The following PIK3C3 variants were observed in gnomAD, a reference collection of about 807,000 sequenced individuals.
PIK3C3 encodes the protein PI3-kinase type 3.
Under a neutral mutation model 126.1 loss-of-function variants are expected in PIK3C3, and 95 were observed. The observed-to-expected ratio is 0.75, with a 90% CI of 0.64 to 0.89. The LOEUF is 0.89. Ranked by LOEUF, PIK3C3 falls within the 40% of genes least tolerant of loss-of-function variation. The probability of loss-of-function intolerance (pLI) is 0.00; values close to 1 mark genes in which losing one functional copy is unlikely to be tolerated. For missense variants in PIK3C3, 829 were observed against 1,063.2 expected (o/e 0.78, Z 3.06); for synonymous variants, 374 against 360.0 (o/e 1.04, Z -0.44).
At chr18:42,070,431 T>TA (rs1168338557) in intron 24 of PIK3C3, 1 of 152,236 alleles carries the variant, frequency 6.6e-6, no homozygotes, top group Non-Finnish European at 1.5e-5. Context: ...ATTCTATTGT[T>TA]AATTTGCATA....
chr18:41,962,789 A>C (rs772730270), intron 3 of PIK3C3, among the ~76,000 whole-genome samples, 157 bp downstream of exon 3: 2 of 152,218 alleles, frequency 1.3e-5, no homozygotes, highest in Non-Finnish European at 2.9e-5. Context: ...ATTTTAACAT[A>C]TATTTCCTAC....
chr18:41,965,993 A>T (rs1040154893), intron 3 of PIK3C3, among the ~76,000 whole-genome samples: 22 of 152,092 alleles, frequency 1.4e-4, no homozygotes, highest in Non-Finnish European at 2.4e-4. Flanking sequence ...TCTAACTGGA[A>T]AATAGGTCAT....
intron 9 of PIK3C3, among the ~76,000 whole-genome samples, chr18:42,003,008 G>C (rs1982362954): frequency 6.6e-6 from 1 of 152,192 alleles, no homozygotes. Flanking sequence ...GTATGGGGCT[G>C]AGAATTGGTG....
chr18:42,011,321 G>A (rs1030166733), intron 10 of PIK3C3, among the ~76,000 whole-genome samples: 1 of 152,206 alleles, frequency 6.6e-6, no homozygotes. Flanking sequence ...ACTTTGTGGT[G>A]TAGTATAGTC....
intron 13 of PIK3C3, chr18:42,025,265 C>G (rs1983514362): frequency 6.6e-6 from 1 of 152,194 alleles, no homozygotes; most frequent in Non-Finnish European, 1.5e-5. Context: ...AAGCTGAATA[C>G]CCTAAGATGA....
At chr18:41,995,443 G>A (rs1981979788) in intron 7 of PIK3C3, among the ~76,000 whole-genome samples, 1 of 152,154 alleles carries the variant, frequency 6.6e-6, no homozygotes, top group Non-Finnish European at 1.5e-5. Context: ...GTATATTCAA[G>A]CGTTGTGATT....
chr18:42,029,533 AAT>A (rs1491543757), intron 15 of PIK3C3, 92 bp downstream of exon 15: 4 of 373,856 alleles, frequency 1.1e-5, no homozygotes, highest in African/African-American at 2.6e-5. Flanking sequence ...TTGATACGTG[AAT>A]TTTTTTTTTT....
chr18:42,078,320 T>G (rs373105365), intron 24 of PIK3C3, among the ~76,000 whole-genome samples: 27 of 135,436 alleles, frequency 2.0e-4, no homozygotes, highest in African/African-American at 6.6e-4. Context: ...GAGCTTGCAG[T>G]GAGCCGAGAT....
At chr18:42,000,816 T>G (rs1982252994) in intron 9 of PIK3C3, among the ~76,000 whole-genome samples, 1 of 152,108 alleles carries the variant, frequency 6.6e-6, no homozygotes, top group South Asian at 2.1e-4. Flanking sequence ...CTCACTATCA[T>G]GAGAACAGCA....
intron 24 of PIK3C3, among the ~76,000 whole-genome samples, chr18:42,070,004 G>A (rs540457578): frequency 1.3e-5 from 2 of 152,266 alleles, no homozygotes; most frequent in East Asian, 3.9e-4. Flanking sequence ...TCCTTCAGCT[G>A]TATTCGACTG....
intron 16 of PIK3C3, among the ~76,000 whole-genome samples, chr18:42,035,440 G>A (rs1329001524): frequency 3.3e-5 from 5 of 152,038 alleles, no homozygotes; most frequent in Non-Finnish European, 5.9e-5. Context: ...CTATTGGTAG[G>A]TGGATTCTAG....
At position 42,032,314 on chromosome 18, in the gene PIK3C3, A is replaced by G. The variant is rs181458207; in HGVS notation, c.1708-1512A>G. Reference sequence around the variant, plus strand: ...GAAGTTAGAGATAATTGGGAAATGGATGGAATTTATCCTTGTAAATCATTA... The same window carrying G: ...GAAGTTAGAGATAATTGGGAAATGGGTGGAATTTATCCTTGTAAATCATTA... On this transcript the variant is annotated intron_variant, in intron 15 of 24. Coordinates refer to ENST00000262039, the MANE Select transcript of PIK3C3 (RefSeq NM_002647.4). 2.5e-3 allele frequency among the ~76,000 whole-genome samples: 380 copies of G among 152,316 alleles called. 2 individuals are homozygous for G. Among genetic ancestry groups the G allele is most frequent in the African/African-American group, 8.9e-3 (368 of 41,568 alleles).
intron 19 of PIK3C3, 82 bp from the exon 20 acceptor site, chr18:42,043,651 G>T (rs952138192): frequency 2.2e-5 from 18 of 835,070 alleles, no homozygotes; most frequent in Non-Finnish European, 3.4e-5. Context: ...CTAGACACTT[G>T]CTGGTCACTA....
chr18:42,033,915 G>A lies in PIK3C3; in HGVS notation c.1797G>A (p.Val599=). The A allele has an allele frequency of 1.2e-6, 2 of 1,607,212 alleles. No individual in the cohort carries two copies. Among genetic ancestry groups the A allele is most frequent in the East Asian group, 2.2e-5 (1 of 44,514 alleles). ...ELIPLPLEPQ[V]KIRGIIPETA... ...TCCCGTTGCCTTTAGAACCCCAAGTGAAAATTAGAGGAATAATTCCGGAAA... is the reference window on the plus strand; with the variant it reads ...TCCCGTTGCCTTTAGAACCCCAAGTAAAAATTAGAGGAATAATTCCGGAAA... The change falls in exon 16 of 25, where the codon GTG becomes GTA. Residue 599 remains valine (V), a synonymous_variant. Coordinates refer to ENST00000262039, the MANE Select transcript of PIK3C3 (RefSeq NM_002647.4).
intron 18 of PIK3C3, among the ~76,000 whole-genome samples, chr18:42,040,156 C>CTTTTTTTTTTTT (rs55821466): frequency 6.3e-5 from 7 of 110,550 alleles, no homozygotes; most frequent in African/African-American, 2.3e-4. Context: ...GTCCCCTTTC[C>CTTTTTTTTTTTT]TTTTTTTTTT....
Position 42,040,788 on chromosome 18 carries a change from A to G in PIK3C3, c.2103+47A>G, listed in dbSNP as rs1191274842. The G allele has an allele frequency of 3.2e-6, 4 of 1,254,568 alleles. No individual in the cohort carries two copies. In the African/African-American group the frequency reaches 6.0e-5, roughly 19 times the overall value. The allele number at this position is 1,254,568 out of a possible 1,614,324, so 77.7% of individuals were successfully genotyped here. On this transcript the variant is annotated intron_variant, in intron 19 of 24. Coordinates refer to ENST00000262039, the MANE Select transcript of PIK3C3 (RefSeq NM_002647.4). Reference sequence around the variant, plus strand: ...TGCAATTCATGAATATATTCTTGTCATAAAAAATTCAGTCTTTATAACATA... The same window carrying G: ...TGCAATTCATGAATATATTCTTGTCGTAAAAAATTCAGTCTTTATAACATA...
chr18:42,040,715 G>A lies in PIK3C3; in HGVS notation c.2077G>A (p.Val693Ile). ...QFIQSVPVAEVLDTEGSIQNF... is the reference protein window; with the variant it reads ...QFIQSVPVAEILDTEGSIQNF... ...TATCCAGTCAGTTCCTGTGGCTGAA[G>A]TTCTTGATACAGAGGGAAGCATTCA... The change falls in exon 19 of 25, where the codon GTT becomes ATT. Residue 693 changes from valine (V) to isoleucine (I), a missense_variant. By Grantham distance (29) the Val-to-Ile change is conservative. Around this residue, in one of 4 missense-constraint regions of PIK3C3, gnomAD observed 196 missense variants for 312.8 expected, o/e 0.63. Transcript: ENST00000262039. 6.2e-7 allele frequency: 1 copy of A among 1,610,428 alleles called. No individual in the cohort carries two copies. Among genetic ancestry groups the A allele is most frequent in the Non-Finnish European group, 8.5e-7 (1 of 1,177,012 alleles).
At chr18:42,057,085 G>T in intron 21 of PIK3C3, among the ~76,000 whole-genome samples, 1 of 131,832 alleles carries the variant, frequency 7.6e-6, no homozygotes, top group Non-Finnish European at 1.6e-5. Context: ...GACATTTTAT[G>T]ATCTTAAATA....
At chr18:41,987,615 TA>T (rs555577464) in intron 4 of PIK3C3, among the ~76,000 whole-genome samples, 196 bp from the exon 5 acceptor site, 68 of 152,080 alleles carry the variant, frequency 4.5e-4, no homozygotes, top group Admixed American at 1.2e-3. Flanking sequence ...TGGACCTTTT[TA>T]AAAAAAATTT....
Sources: gnomAD v4.1 joint callset for allele counts (sites outside exome capture counted in the v4.1 genomes callset) on GRCh38, gnomAD v4.1.1 for gene constraint, gnomAD v4.1.1 regional missense constraint, MANE v1.5 for transcripts, NCBI Gene and HGNC (gene_info 2026-07-23, HGNC 2026-07-21) for gene names.